RNF180: variants seen among roughly 807,000 people sequenced by gnomAD.
RNF180 encodes E3 ubiquitin-protein ligase RNF180.
A neutral mutation model predicts 59.2 loss-of-function variants in RNF180; 38 were observed. The observed-to-expected ratio is 0.64, with a 90% confidence interval of 0.50 to 0.84. RNF180 has a LOEUF of 0.84. Ranked by LOEUF, RNF180 falls within the 40% of genes least tolerant of loss-of-function variation. The pLI is 0.00. For synonymous variants in RNF180, 262 were observed against 240.3 expected, an observed-to-expected ratio of 1.09 and a Z score of -0.84; for missense variants, 705 against 700.9, an observed-to-expected ratio of 1.01 and a Z score of -0.07.
chr5:64,363,013 CTCATTCTGTAGGTTG>C (rs1414829309), intron 7 of RNF180, among the ~76,000 whole-genome samples: 8 of 151,536 alleles, frequency 5.3e-5, no homozygotes, highest in African/African-American at 9.7e-5. Flanking sequence ...AAAATTTTCT[CTCATTCTGTAGGTTG>C]TCATTCTGTA....
At chr5:64,271,894 G>A (rs923281399) in intron 5 of RNF180, among the ~76,000 whole-genome samples, 1 of 151,952 alleles carries the variant, frequency 6.6e-6, no homozygotes, top group South Asian at 2.1e-4. Context: ...CCAGGTTTAT[G>A]CACGTTTCCC....
chr5:64,218,646 A>C (rs1344369073), intron 5 of RNF180, among the ~76,000 whole-genome samples: 2 of 152,216 alleles, frequency 1.3e-5, no homozygotes, highest in African/African-American at 4.8e-5. Flanking sequence ...TTGAAGCTAT[A>C]GATAAACTTG....
chr5:64,331,902 A>T (rs1461284828), intron 7 of RNF180, among the ~76,000 whole-genome samples: 4 of 152,004 alleles, frequency 2.6e-5, no homozygotes, highest in Non-Finnish European at 5.9e-5. Context: ...GCACCACTGC[A>T]TTTACCTCGT....
chr5:64,330,718 C>T (rs931427548), intron 7 of RNF180, among the ~76,000 whole-genome samples: 2 of 152,224 alleles, frequency 1.3e-5, no homozygotes, highest in African/African-American at 2.4e-5. Flanking sequence ...ATATTTATGG[C>T]AGCGGCAGCC....
intron 5 of RNF180, among the ~76,000 whole-genome samples, chr5:64,296,118 T>C (rs1320577492): frequency 4.6e-5 from 7 of 152,156 alleles, no homozygotes; most frequent in Admixed American, 4.6e-4. Context: ...CAGACAACTA[T>C]GACAGGGACT....
chr5:64,251,827 A>C (rs574028111), intron 5 of RNF180, among the ~76,000 whole-genome samples: 4 of 152,176 alleles, frequency 2.6e-5, no homozygotes, highest in Admixed American at 6.5e-5. Flanking sequence ...AACCAGTAAA[A>C]ACAGCCCCAT....
At chr5:64,259,139 CTCTTGAGGAACATGCTGTTGGAGGAGCCA>C (rs1165404602) in intron 5 of RNF180, among the ~76,000 whole-genome samples, 1 of 152,122 alleles carries the variant, frequency 6.6e-6, no homozygotes, top group African/African-American at 2.4e-5. Context: ...CACCTCCTTT[CTCTTGAGGAACATGCTGTTGGAGGAGCCA>C]TCTTTCATAA....
At chr5:64,314,353 G>A (rs1331357535) in intron 5 of RNF180, among the ~76,000 whole-genome samples, 1 of 151,792 alleles carries the variant, frequency 6.6e-6, no homozygotes, top group Admixed American at 6.6e-5. Context: ...GATAGAATTT[G>A]TCATTATTTA....
chr5:64,350,380 GGTA>G (rs1469702380), intron 7 of RNF180, among the ~76,000 whole-genome samples: 1 of 151,928 alleles, frequency 6.6e-6, no homozygotes, highest in Non-Finnish European at 1.5e-5. Flanking sequence ...TCACTCTGAT[GGTA>G]GTTTCCTTTG....
chr5:64,237,858 C>T (rs945841585), intron 5 of RNF180, among the ~76,000 whole-genome samples: 11 of 152,196 alleles, frequency 7.2e-5, no homozygotes, highest in African/African-American at 2.2e-4. Flanking sequence ...CCACCAACCC[C>T]GCTTTCACTC....
chr5:64,237,926 G>C (rs186348713), intron 5 of RNF180, among the ~76,000 whole-genome samples: 173 of 152,116 alleles, frequency 1.1e-3, no homozygotes, highest in African/African-American at 4.0e-3. Flanking sequence ...ATGATTGCAA[G>C]TTTCCTGGGG....
chr5:64,174,283 T>C (rs909976289), intron 1 of RNF180, among the ~76,000 whole-genome samples: 1 of 152,206 alleles, frequency 6.6e-6, no homozygotes, highest in Non-Finnish European at 1.5e-5. Context: ...TGCTGATGTC[T>C]CTTCAGCATA....
intron 5 of RNF180, among the ~76,000 whole-genome samples, chr5:64,282,373 T>C (rs1474571350): frequency 6.6e-6 from 1 of 152,212 alleles, no homozygotes; most frequent in Non-Finnish European, 1.5e-5. Context: ...TTTGTATTTG[T>C]GTGGGGTCTG....
At chr5:64,252,943 C>G (rs1007741155) in intron 5 of RNF180, among the ~76,000 whole-genome samples, 1 of 151,912 alleles carries the variant, frequency 6.6e-6, no homozygotes, top group Non-Finnish European at 1.5e-5. Flanking sequence ...CACACACACA[C>G]CTCAAATGAC....
chr5:64,192,604 G>C (rs776573058), intron 1 of RNF180, among the ~76,000 whole-genome samples: 1 of 151,880 alleles, frequency 6.6e-6, no homozygotes, highest in Non-Finnish European at 1.5e-5. Flanking sequence ...CCCAGGAAGC[G>C]GAGGTTGCTG....
rs954671722 is a variant in RNF180 at position 64,182,588 on chromosome 5, G to T, written c.-1+16635G>T. Among the ~76,000 whole-genome samples, 7 of 152,298 alleles carry T rather than the reference G, an allele frequency of 4.6e-5. No homozygotes were observed. In the East Asian group the frequency reaches 1.4e-3, roughly 29 times the overall value. On this transcript the variant is annotated intron_variant, in intron 1 of 7. Coordinates refer to ENST00000389100, the MANE Select transcript of RNF180 (RefSeq NM_001113561.2). ...AAGCTAAATCTTTATCTTAGCGTAA[G>T]ATCTAAGAGTATTACTGAATTTCAG...
chr5:64,195,931 C>G (rs935427184), intron 1 of RNF180, among the ~76,000 whole-genome samples: 2 of 152,062 alleles, frequency 1.3e-5, no homozygotes, highest in Admixed American at 1.3e-4. Flanking sequence ...ATCTTTGGGA[C>G]GTGGGAGGAA....
At chr5:64,345,080 CA>C (rs1745503579) in intron 7 of RNF180, among the ~76,000 whole-genome samples, 1 of 152,060 alleles carries the variant, frequency 6.6e-6, no homozygotes, top group African/African-American at 2.4e-5. Context: ...ATGCAATTTG[CA>C]AGGTATAACT....
At chr5:64,219,859 G>C (rs1752822754) in intron 5 of RNF180, among the ~76,000 whole-genome samples, 1 of 152,122 alleles carries the variant, frequency 6.6e-6, no homozygotes, top group South Asian at 2.1e-4. Flanking sequence ...GTGTTTCATA[G>C]TGAAACTACC....
Sources: gnomAD v4.1 joint callset for allele counts (sites outside exome capture counted in the v4.1 genomes callset) on GRCh38, gnomAD v4.1.1 for gene constraint, MANE v1.5 for transcripts, NCBI Gene and HGNC (gene_info 2026-07-23, HGNC 2026-07-21) for gene names.